BLTP3B: variants seen among roughly 807,000 people sequenced by gnomAD.
BLTP3B encodes bridge-like lipid transfer protein family member 3B, also known as UHRF1 (ICBP90) binding protein 1-like.
the BLTP3B span, among the ~76,000 whole-genome samples, chr12:100,052,495 A>C: frequency 6.6e-6 from 1 of 152,186 alleles, no homozygotes; most frequent in African/African-American, 2.4e-5. Context: ...AATTAAAAAT[A>C]ATAAAATAAA....
the BLTP3B span, among the ~76,000 whole-genome samples, chr12:100,124,725 AAC>A: frequency 6.7e-6 from 1 of 149,730 alleles, no homozygotes; most frequent in Non-Finnish European, 1.5e-5. Flanking sequence ...TAGCCTGAGA[AAC>A]AGAGTGAGAC....
At chr12:100,104,432 G>C in the BLTP3B span, among the ~76,000 whole-genome samples, 1 of 151,440 alleles carries the variant, frequency 6.6e-6, no homozygotes, top group East Asian at 1.9e-4. Flanking sequence ...TCTAACTCCT[G>C]GCCTCAAATG....
chr12:100,076,504 G>A, the BLTP3B span, among the ~76,000 whole-genome samples: 5 of 149,130 alleles, frequency 3.4e-5, no homozygotes, highest in Non-Finnish European at 7.4e-5. Context: ...AGCGATTCTC[G>A]TGCCTCAGCC....
At chr12:100,125,148 A>G in the BLTP3B span, among the ~76,000 whole-genome samples, 7 of 149,552 alleles carry the variant, frequency 4.7e-5, no homozygotes, top group Middle Eastern at 3.4e-3. Flanking sequence ...CCCGGCCAAC[A>G]TGGTGAAACC....
chr12:100,076,135 T>A, the BLTP3B span, among the ~76,000 whole-genome samples: 1 of 151,984 alleles, frequency 6.6e-6, no homozygotes, highest in Middle Eastern at 3.4e-3. Flanking sequence ...AAAAAACTAT[T>A]AGTTTTAAGG....
the BLTP3B span, among the ~76,000 whole-genome samples, chr12:100,068,176 A>T: frequency 1.3e-5 from 2 of 152,210 alleles, no homozygotes; most frequent in Non-Finnish European, 2.9e-5. Context: ...CAGAATAGAG[A>T]ATCCAGAAGT....
At chr12:100,045,003 C>T in the BLTP3B span, among the ~76,000 whole-genome samples, 1 of 152,104 alleles carries the variant, frequency 6.6e-6, no homozygotes, top group African/African-American at 2.4e-5. Context: ...TTCACAATTA[C>T]TACAAAGAGA....
At chr12:100,071,157 A>G in the BLTP3B span, among the ~76,000 whole-genome samples, 1 of 150,806 alleles carries the variant, frequency 6.6e-6, no homozygotes, top group South Asian at 2.1e-4. Context: ...TTCAGCTAGC[A>G]TGATGAAAAA....
the BLTP3B span, among the ~76,000 whole-genome samples, chr12:100,038,638 C>T: frequency 6.6e-6 from 1 of 152,056 alleles, no homozygotes; most frequent in Non-Finnish European, 1.5e-5. Context: ...GCCCTACAGA[C>T]ATTTTCATCT....
the BLTP3B span, among the ~76,000 whole-genome samples, chr12:100,121,180 T>C: frequency 6.6e-6 from 1 of 151,714 alleles, no homozygotes; most frequent in Admixed American, 6.6e-5. Flanking sequence ...GAACCCTGCC[T>C]CTACTAAAAA....
At chr12:100,134,906 C>T in the BLTP3B span, among the ~76,000 whole-genome samples, 2 of 152,216 alleles carry the variant, frequency 1.3e-5, no homozygotes, top group African/African-American at 4.8e-5. Flanking sequence ...AACTCCACTG[C>T]ATCTGCCTTC....
the BLTP3B span, among the ~76,000 whole-genome samples, chr12:100,068,129 T>C: frequency 2.6e-5 from 4 of 152,194 alleles, no homozygotes; most frequent in Non-Finnish European, 4.4e-5. Flanking sequence ...CAGAACAGCA[T>C]GGTACTGTAT....
At chr12:100,110,595 G>T in the BLTP3B span, among the ~76,000 whole-genome samples, 5 of 152,240 alleles carry the variant, frequency 3.3e-5, no homozygotes, top group African/African-American at 1.2e-4. Flanking sequence ...TTTAGTTGGT[G>T]AGACGGATCA....
At chr12:100,094,278 A>AC in the BLTP3B span, among the ~76,000 whole-genome samples, 1 of 152,050 alleles carries the variant, frequency 6.6e-6, no homozygotes. Context: ...CACTTGGGTG[A>AC]TTTTTAAATT....
At chr12:100,098,619 T>C in the BLTP3B span, 1 of 1,424,520 alleles carries the variant, frequency 7.0e-7, no homozygotes, top group Non-Finnish European at 9.3e-7. Context: ...TGCACATTTC[T>C]GGTTGGGGAT....
At chr12:100,123,991 T>C in the BLTP3B span, among the ~76,000 whole-genome samples, 10 of 152,302 alleles carry the variant, frequency 6.6e-5, no homozygotes, top group African/African-American at 2.4e-4. Flanking sequence ...AGGATAGGCA[T>C]TGTGGCTCAT....
At chr12:100,142,189 G>A in the BLTP3B span, among the ~76,000 whole-genome samples, 1 of 152,202 alleles carries the variant, frequency 6.6e-6, no homozygotes, top group African/African-American at 2.4e-5. Context: ...TCTGCTCCAA[G>A]GGGAAGGAGC....
the BLTP3B span, among the ~76,000 whole-genome samples, chr12:100,121,671 A>C: frequency 6.6e-6 from 1 of 152,082 alleles, no homozygotes; most frequent in Non-Finnish European, 1.5e-5. Context: ...TCTCTACTAA[A>C]AGTACAAAAT....
chr12:100,089,201 C>T, the BLTP3B span: 1 of 917,204 alleles, frequency 1.1e-6, no homozygotes, highest in Non-Finnish European at 1.5e-6. Context: ...AACCATAGTA[C>T]ATCTTATTTT....
Sources: gnomAD v4.1 joint callset for allele counts (sites outside exome capture counted in the v4.1 genomes callset) on GRCh38, gnomAD v4.1.1 for gene constraint, MANE v1.5 for transcripts, NCBI Gene and HGNC (gene_info 2026-07-23, HGNC 2026-07-21) for gene names.